The following STAG1 variants were observed in gnomAD, a reference collection of about 807,000 sequenced individuals.
STAG1 encodes the protein STAG1 cohesin complex component, also known as cohesin subunit SA-1.
A neutral mutation model predicts 170.9 loss-of-function variants in STAG1; 26 were observed. The ratio of observed to expected loss-of-function variants is 0.15; its 90% CI spans 0.11 to 0.21. The LOEUF (loss-of-function observed/expected upper bound fraction) is 0.21, where lower values mean the gene tolerates loss of function less well. Ranked by LOEUF, STAG1 falls within the 10% of genes least tolerant of loss-of-function variation. The pLI, the probability that STAG1 is intolerant of heterozygous loss-of-function variation, is 1.00. For synonymous variants in STAG1, 514 were observed against 497.7 expected (o/e 1.03, Z -0.44); for missense variants, 964 against 1,509.5 (o/e 0.64, Z 5.99).
chr3:136,598,009 CATA>C (rs2107800484), intron 4 of STAG1, among the ~76,000 whole-genome samples: 1 of 152,216 alleles, frequency 6.6e-6, no homozygotes, highest in South Asian at 2.1e-4. Flanking sequence ...TATATTATCA[CATA>C]ATTTTTCTAA....
At chr3:136,686,161 C>T (rs1942514186) in intron 1 of STAG1, among the ~76,000 whole-genome samples, 1 of 152,152 alleles carries the variant, frequency 6.6e-6, no homozygotes, top group Non-Finnish European at 1.5e-5. Context: ...CTGGCACAGG[C>T]ACTTTATGCT....
intron 9 of STAG1, among the ~76,000 whole-genome samples, chr3:136,479,199 G>C (rs1391896961): frequency 1.4e-5 from 2 of 145,100 alleles, no homozygotes; most frequent in African/African-American, 2.5e-5. Context: ...CTAGCATTAG[G>C]TATATCTCCC....
intron 1 of STAG1, among the ~76,000 whole-genome samples, chr3:136,681,986 C>T (rs1047629779): frequency 1.3e-5 from 2 of 152,020 alleles, no homozygotes; most frequent in African/African-American, 4.8e-5. Flanking sequence ...GCCACAGTCA[C>T]CCTTTCTATT....
At chr3:136,417,654 C>A (rs938245937) in intron 21 of STAG1, 1 of 413,798 alleles carries the variant, frequency 2.4e-6, no homozygotes, top group East Asian at 4.2e-5. Flanking sequence ...TCTACCTTAA[C>A]AGTAAAATTT....
At position 136,521,434 on chromosome 3, in the gene STAG1, G is replaced by T; in HGVS notation, c.472-17C>A. On this transcript the variant is annotated splice_polypyrimidine_tract_variant and intron_variant, in intron 6 of 33. Coordinates refer to ENST00000383202, the MANE Select transcript of STAG1 (RefSeq NM_005862.3). Reference sequence around the variant, plus strand: ...ACCACTGTCCTAAAAAACAGAAAAAGAACATATTAAGTATGTCACATTACA... The same window carrying T: ...ACCACTGTCCTAAAAAACAGAAAAATAACATATTAAGTATGTCACATTACA... 1.9e-6 allele frequency: 3 copies of T among 1,607,542 alleles called. No homozygotes were observed. Among genetic ancestry groups the T allele is most frequent in the Middle Eastern group, 1.7e-4 (1 of 6,036 alleles).
At chr3:136,380,739 G>A (rs1203610378) in intron 22 of STAG1, among the ~76,000 whole-genome samples, 1 of 151,904 alleles carries the variant, frequency 6.6e-6, no homozygotes, top group Non-Finnish European at 1.5e-5. Flanking sequence ...ACAGGAACAG[G>A]CCAGGCATGA....
chr3:136,394,842 A>G (rs554604160), intron 22 of STAG1, among the ~76,000 whole-genome samples: 43 of 151,228 alleles, frequency 2.8e-4, no homozygotes, highest in Non-Finnish European at 5.0e-4. Flanking sequence ...AATCCCAGCT[A>G]CTTGGGATGC....
chr3:136,521,541 C>A, intron 6 of STAG1, 124 bp from the exon 7 acceptor site: 2 of 683,636 alleles, frequency 2.9e-6, no homozygotes, highest in Non-Finnish European at 4.9e-6. Context: ...AAATAGGTGA[C>A]TTTCATAGCA....
chr3:136,428,081 GA>G (rs762228448), intron 16 of STAG1, among the ~76,000 whole-genome samples: 2,977 of 134,568 alleles, frequency 0.022, 40 homozygotes, highest in African/African-American at 0.043. Flanking sequence ...CCCTATTCTG[GA>G]AAAAAAAAAA....
chr3:136,383,370 G>A (rs1938082627), intron 22 of STAG1, among the ~76,000 whole-genome samples: 1 of 152,106 alleles, frequency 6.6e-6, no homozygotes, highest in South Asian at 2.1e-4. Context: ...CACTTACTAT[G>A]AATTCTTTTA....
intron 21 of STAG1, among the ~76,000 whole-genome samples, chr3:136,410,931 T>G (rs1330739716): frequency 2.6e-5 from 4 of 152,208 alleles, no homozygotes; most frequent in Admixed American, 2.6e-4. Flanking sequence ...GGCATATGCC[T>G]GTCATCCCAG....
At chr3:136,751,718 G>C (rs1229456337) in intron 1 of STAG1, among the ~76,000 whole-genome samples, 1 of 151,882 alleles carries the variant, frequency 6.6e-6, no homozygotes, top group East Asian at 2.0e-4. Context: ...AAACACCGCA[G>C]AAACGCAGGT....
chr3:136,621,712 G>C (rs897222446), intron 3 of STAG1, among the ~76,000 whole-genome samples: 7 of 151,956 alleles, frequency 4.6e-5, no homozygotes, highest in East Asian at 3.9e-4. Context: ...GCCTGGAGGA[G>C]TAATTAATTA....
At chr3:136,373,479 G>T (rs1429448617) in intron 23 of STAG1, among the ~76,000 whole-genome samples, 3 of 151,852 alleles carry the variant, frequency 2.0e-5, no homozygotes, top group African/African-American at 7.3e-5. Flanking sequence ...TTCTCTTGTG[G>T]GCATTTAGGG....
In STAG1 at chr3:136,369,283, C is replaced by A; in HGVS notation, c.2371-1G>T. On this transcript the variant is annotated splice_acceptor_variant, in intron 23 of 33. Transcript: ENST00000383202. LOFTEE classifies it high-confidence loss of function. The stretch of plus-strand genomic sequence containing the variant: ...GAAGATCACAGAGTAACATGAAAGC[C>A]TGGAATACAAAGGCAATTTATCAGC... 1 of 1,575,626 alleles carries A rather than the reference C, an allele frequency of 6.3e-7. No homozygotes were observed. Among genetic ancestry groups the A allele is most frequent in the South Asian group, 1.2e-5 (1 of 83,154 alleles).
intron 1 of STAG1, among the ~76,000 whole-genome samples, chr3:136,685,101 G>C (rs1460149540): frequency 6.6e-6 from 1 of 152,122 alleles, no homozygotes; most frequent in Non-Finnish European, 1.5e-5. Flanking sequence ...GATCACCTGA[G>C]GTGAGGAGTT....
chr3:136,622,647 C>G (rs1168330210), intron 3 of STAG1, among the ~76,000 whole-genome samples: 1 of 152,136 alleles, frequency 6.6e-6, no homozygotes, highest in Admixed American at 6.6e-5. Context: ...CCTTGACAAG[C>G]AGATAACAGT....
intron 12 of STAG1, among the ~76,000 whole-genome samples, chr3:136,466,999 G>T (rs1362269792): frequency 6.6e-6 from 1 of 152,116 alleles, no homozygotes; most frequent in African/African-American, 2.4e-5. Context: ...AGCTCCTGAA[G>T]GAAGCACTAA....
At chr3:136,473,516 A>G in intron 11 of STAG1, 23 bp downstream of exon 11, 1 of 1,530,186 alleles carries the variant, frequency 6.5e-7, no homozygotes, top group South Asian at 1.2e-5. Context: ...AAATTAAATA[A>G]GCTTATCATT....
Sources: allele counts gnomAD v4.1 joint callset (sites outside exome capture counted in the v4.1 genomes callset), GRCh38; gene constraint gnomAD v4.1.1; transcripts MANE v1.5; gene names NCBI Gene and HGNC (gene_info 2026-07-23, HGNC 2026-07-21).